AHRR: variants seen among roughly 807,000 people sequenced by gnomAD.
The protein encoded by AHRR is ahR repressor.
In AHRR, 28 loss-of-function variants were observed where a neutral mutation model predicts 44.0. The ratio of observed to expected loss-of-function variants is 0.64; its 90% confidence interval spans 0.47 to 0.87. The LOEUF is 0.87. Among genes scored for constraint, AHRR ranks in the 40% least tolerant of loss-of-function variants. The pLI is 0.00. For missense variants in AHRR, 990 were observed against 953.9 expected (o/e 1.04, Z -0.50); for synonymous variants, 434 against 407.0 (o/e 1.07, Z -0.80).
intron 4 of AHRR, among the ~76,000 whole-genome samples, chr5:391,386 AGG>A (rs1285505140): frequency 1.8e-5 from 2 of 108,274 alleles, no homozygotes; most frequent in Admixed American, 8.9e-5. Context: ...GCGCAGGGCG[AGG>A]AGGGCGCAGG....
chr5:387,350 T>C lies in AHRR; in HGVS notation c.351+10634T>C, dbSNP rs565261389. ...CATAGCTGCCATTCCTGCTGCATGG[T>C]TCTGTGCAAACAGGCTTGCTGCCAG... On this transcript the variant is annotated intron_variant, in intron 4 of 10. Transcript: ENST00000684583. The surrounding 1 kb of genome is among the most constrained non-coding windows in gnomAD (Gnocchi z 5.1). Among the ~76,000 whole-genome samples the C allele has an allele frequency of 5.2e-4, 79 of 152,324 alleles. No homozygotes were observed. Among genetic ancestry groups the C allele is most frequent in the African/African-American group, 1.8e-3 (74 of 41,566 alleles).
Position 342,447 on chromosome 5 carries a change from GTCT to G in AHRR, c.-10-1441_-10-1439del, listed in dbSNP as rs1742378015. Among the ~76,000 whole-genome samples, 1 of 152,162 alleles carries G rather than the reference GTCT, an allele frequency of 6.6e-6. No individual in the cohort carries two copies. Among genetic ancestry groups the G allele is most frequent in the Admixed American group, 6.5e-5 (1 of 15,276 alleles). On this transcript the variant is annotated intron_variant, in intron 1 of 10. Coordinates refer to ENST00000684583, the MANE Select transcript of AHRR (RefSeq NM_001377236.1). This position sits in a 1 kb window ranked among gnomAD's most constrained non-coding sequence, Gnocchi z 4.3. ...CTCTGGTGATATTCCTTGTTCTGAA[GTCT>G]TCTTTGTCTGGGACTCATACAGCTG...
At position 387,818 on chromosome 5, in the gene AHRR, G is replaced by A. The variant is rs80308295; in HGVS notation, c.351+11102G>A. Among the ~76,000 whole-genome samples the A allele has an allele frequency of 6.5e-3, 996 of 152,322 alleles. 9 individuals are homozygous for A. Among genetic ancestry groups the A allele is most frequent in the African/African-American group, 0.023 (955 of 41,580 alleles). On this transcript the variant is annotated intron_variant, in intron 4 of 10. Coordinates refer to ENST00000684583, the MANE Select transcript of AHRR (RefSeq NM_001377236.1). The surrounding 1 kb of genome is among the most constrained non-coding windows in gnomAD (Gnocchi z 5.1). Reference sequence around the variant, plus strand: ...TGAATGACTGCAAACTGTGTGGCTCGAACAACAGGGGTTATTCTTCACAGC... The same window carrying A: ...TGAATGACTGCAAACTGTGTGGCTCAAACAACAGGGGTTATTCTTCACAGC...
In AHRR at chr5:427,810, A is replaced by G; in HGVS notation, c.712A>G (p.Met238Val). The G allele has an allele frequency of 6.2e-7, 1 of 1,614,142 alleles. No homozygotes were observed. Among genetic ancestry groups the G allele is most frequent in the Non-Finnish European group, 8.5e-7 (1 of 1,179,980 alleles). The change falls in exon 8 of 11, where the codon ATG (methionine) becomes GTG (valine). Residue 238 changes from methionine to valine, a missense_variant. Transcript: ENST00000684583. ...LLDSTSGFLTMQFQGKLKFLF... is the reference protein window; with the variant it reads ...LLDSTSGFLTVQFQGKLKFLF... ...CTCTCTGTCTTTAAAACACCAGACG[A>G]TGCAGTTTCAAGGAAAACTAAAATT... is the stretch of plus-strand genomic sequence containing the variant.
At chr5:367,444 C>T (rs1194025431) in intron 3 of AHRR, among the ~76,000 whole-genome samples, 1 of 152,224 alleles carries the variant, frequency 6.6e-6, no homozygotes, top group African/African-American at 2.4e-5. Context: ...ACCACCCTGC[C>T]CCACAGACAC....
Position 404,240 on chromosome 5 carries a change from A to G in AHRR, c.352-9104A>G. On this transcript the variant is annotated intron_variant, in intron 4 of 10. Transcript: ENST00000684583. This position sits in a 1 kb window ranked among gnomAD's most constrained non-coding sequence, Gnocchi z 4.1. ...CTCGCTCATCCATGAGTCTAATCAC[A>G]TCTGCTCCATGCATGTTCCCAAATC... 1 of 514,764 alleles carries G rather than the reference A, an allele frequency of 1.9e-6. No individual in the cohort carries two copies. Among genetic ancestry groups the G allele is most frequent in the Non-Finnish European group, 3.8e-6 (1 of 259,830 alleles). The allele number at this position is 514,764 out of a possible 1,614,324, so 31.9% of individuals were successfully genotyped here. A position where few individuals can be genotyped will look rare whatever the true frequency, so the allele number is the denominator to read the frequency against.
intron 4 of AHRR, among the ~76,000 whole-genome samples, chr5:393,393 C>A (rs190685164): frequency 6.6e-6 from 1 of 152,348 alleles, no homozygotes; most frequent in African/African-American, 2.4e-5. Context: ...CCCGAGTGTT[C>A]CTCTAGCAGT....
intron 4 of AHRR, among the ~76,000 whole-genome samples, chr5:389,902 GGGGGGAGGGGAAGGGAGGGA>G (rs1330576517): frequency 8.2e-6 from 1 of 122,276 alleles, no homozygotes; most frequent in Admixed American, 8.2e-5. Flanking sequence ...AGGAAAGGGT[GGGGGGAGGGGAAGGGAGGGA>G]GGGGGAGGGG....
At chr5:377,871 G>A (rs561478262) in intron 4 of AHRR, among the ~76,000 whole-genome samples, 4 of 152,336 alleles carry the variant, frequency 2.6e-5, no homozygotes, top group Admixed American at 6.5e-5. Context: ...GACTTTGGAA[G>A]AGGCATGGAG....
intron 1 of AHRR, among the ~76,000 whole-genome samples, chr5:330,816 G>A (rs1741883257): frequency 6.7e-6 from 1 of 149,416 alleles, no homozygotes; most frequent in Non-Finnish European, 1.5e-5. Flanking sequence ...TTTTGGAACA[G>A]TTTCAGGAAG....
rs567307995 is a variant in AHRR at position 338,572 on chromosome 5, T to C, written c.-10-5321T>C. 3.9e-5 allele frequency among the ~76,000 whole-genome samples: 6 copies of C among 152,322 alleles called. No individual in the cohort carries two copies. Among genetic ancestry groups the C allele is most frequent in the African/African-American group, 1.4e-4 (6 of 41,576 alleles). On this transcript the variant is annotated intron_variant, in intron 1 of 10. Coordinates refer to ENST00000684583, the MANE Select transcript of AHRR (RefSeq NM_001377236.1). This position sits in a 1 kb window ranked among gnomAD's most constrained non-coding sequence, Gnocchi z 4.1. ...TTAATATTATTCTAGGCCAGGTACG[T>C]GGCTCATACCTGTAATCCCAGCACT...
At chr5:427,463 T>G (rs1736470065) in intron 7 of AHRR, among the ~76,000 whole-genome samples, 1 of 152,224 alleles carries the variant, frequency 6.6e-6, no homozygotes, top group Non-Finnish European at 1.5e-5. Flanking sequence ...GGCCCGGCTG[T>G]GGGCAGGTGG....
chr5:423,826 C>T lies in AHRR; in HGVS notation c.572-15C>T. On this transcript the variant is annotated splice_polypyrimidine_tract_variant and intron_variant, in intron 6 of 10. Coordinates refer to ENST00000684583, the MANE Select transcript of AHRR (RefSeq NM_001377236.1). Reference sequence around the variant, plus strand: ...TTCTCCCACCGCCACGCCCCTTGGCCCCTATGGTCTGCAGGAGATGATGCT... The same window carrying T: ...TTCTCCCACCGCCACGCCCCTTGGCTCCTATGGTCTGCAGGAGATGATGCT... 2 of 1,591,038 alleles carry T rather than the reference C, an allele frequency of 1.3e-6. No individual in the cohort carries two copies. The highest frequency in any genetic ancestry group is 1.1e-5 in the South Asian group (1 of 90,340).
At chr5:430,574 G>A (rs1293322343) in intron 8 of AHRR, among the ~76,000 whole-genome samples, 2 of 152,268 alleles carry the variant, frequency 1.3e-5, no homozygotes, top group African/African-American at 4.8e-5. Flanking sequence ...CACTCACGGT[G>A]GTCTCTGTTG....
At chr5:403,950 C>T in intron 4 of AHRR, 6 of 1,443,236 alleles carry the variant, frequency 4.2e-6, no homozygotes, top group Non-Finnish European at 5.8e-6. Context: ...ATATCTCCTC[C>T]ACTTTATTTT....
chr5:433,467 G>T (rs1736834635), intron 10 of AHRR, among the ~76,000 whole-genome samples: 1 of 152,262 alleles, frequency 6.6e-6, no homozygotes, highest in African/African-American at 2.4e-5. Context: ...CTTGGCCACA[G>T]AAACTGCTGG....
intron 4 of AHRR, among the ~76,000 whole-genome samples, chr5:392,577 C>T (rs985575270): frequency 1.3e-5 from 2 of 152,188 alleles, no homozygotes; most frequent in Admixed American, 6.5e-5. Context: ...AACAGTGACT[C>T]GTTATGTAAG....
intron 10 of AHRR, among the ~76,000 whole-genome samples, 193 bp from the exon 11 acceptor site, chr5:433,660 G>A (rs1736843403): frequency 6.6e-6 from 1 of 151,886 alleles, no homozygotes. Flanking sequence ...CACGCAGTGG[G>A]GGTGGGGTGC....
chr5:415,671 G>A (rs113529155), intron 5 of AHRR, among the ~76,000 whole-genome samples: 1 of 94,466 alleles, frequency 1.1e-5, no homozygotes, highest in Non-Finnish European at 3.0e-5. Context: ...GGCCGAATCT[G>A]CCTGGTCGGG....
Sources: gnomAD v4.1 joint callset for allele counts (sites outside exome capture counted in the v4.1 genomes callset) on GRCh38, gnomAD v4.1.1 for gene constraint, Gnocchi (gnomAD v3.1) non-coding constraint, MANE v1.5 for transcripts, NCBI Gene and HGNC (gene_info 2026-07-23, HGNC 2026-07-21) for gene names.